CFAP161: variants seen among roughly 807,000 people sequenced by gnomAD.
CFAP161 encodes the protein cilia- and flagella-associated protein 161.
CFAP161 carries 25 observed loss-of-function variants against 29.0 expected under a neutral mutation model. That is an observed-to-expected ratio of 0.86 (90% confidence interval 0.63 to 1.20). CFAP161 has a LOEUF of 1.20. Among genes scored for constraint, CFAP161 ranks in the 50% most tolerant of loss-of-function variants. The pLI, the probability that CFAP161 is intolerant of heterozygous loss-of-function variation, is 0.00. For synonymous variants in CFAP161, 116 were observed against 137.4 expected (o/e 0.84, Z 1.09); for missense variants, 367 against 371.9 (o/e 0.99, Z 0.11).
upstream of CFAP161, among the ~76,000 whole-genome samples, chr15:81,132,593 G>A (rs986514510): frequency 6.6e-6 from 1 of 152,054 alleles, no homozygotes; most frequent in Non-Finnish European, 1.5e-5. Flanking sequence ...GTATTATTGG[G>A]TCTATTATAT....
chr15:81,134,509 C>A, intron 1 of CFAP161, 111 bp downstream of exon 1: 1 of 1,040,290 alleles, frequency 9.6e-7, no homozygotes, highest in South Asian at 1.5e-5. Context: ...TCCCAGCATA[C>A]AGCGAATACC....
At chr15:81,127,543 C>A (rs1373958296) in intron 1 of CFAP161, 3 of 152,116 alleles carry the variant, frequency 2.0e-5, no homozygotes, top group Non-Finnish European at 4.4e-5. Context: ...GGCAAAAAGT[C>A]TTTTTTCATC....
intron 1 of CFAP161, among the ~76,000 whole-genome samples, chr15:81,111,367 C>T (rs1595909338): frequency 6.6e-6 from 1 of 152,218 alleles, no homozygotes. Context: ...CTGACAATAT[C>T]ACTTTTGATT....
chr15:81,111,309 A>G (rs1402595066), intron 1 of CFAP161, among the ~76,000 whole-genome samples: 1 of 152,238 alleles, frequency 6.6e-6, no homozygotes, highest in Non-Finnish European at 1.5e-5. Flanking sequence ...TTTTGGTTGA[A>G]TGAACAATTG....
intron 5 of CFAP161, 73 bp from the exon 6 acceptor site, chr15:81,147,785 A>T: frequency 3.5e-6 from 4 of 1,140,726 alleles, no homozygotes; most frequent in Non-Finnish European, 4.9e-6. Context: ...TTTTGCTTTT[A>T]GGTAAGCTTT....
At chr15:81,109,890 T>C (rs1894419928) in intron 1 of CFAP161, among the ~76,000 whole-genome samples, 2 of 152,224 alleles carry the variant, frequency 1.3e-5, no homozygotes, top group South Asian at 4.1e-4. Flanking sequence ...AAATTAATTA[T>C]TCATTTTTAA....
intron 1 of CFAP161, among the ~76,000 whole-genome samples, chr15:81,104,489 A>T (rs1489531081): frequency 6.6e-6 from 1 of 152,238 alleles, no homozygotes; most frequent in Non-Finnish European, 1.5e-5. Context: ...AGCTGCAAGG[A>T]AGGTATCCTC....
intron 1 of CFAP161, among the ~76,000 whole-genome samples, chr15:81,119,760 T>C (rs2141868021): frequency 6.6e-6 from 1 of 152,244 alleles, no homozygotes; most frequent in South Asian, 2.1e-4. Context: ...TTCAAAACAA[T>C]TGATCAAAAC....
At chr15:81,126,873 G>A (rs1894647995) in intron 1 of CFAP161, among the ~76,000 whole-genome samples, 1 of 152,184 alleles carries the variant, frequency 6.6e-6, no homozygotes, top group Non-Finnish European at 1.5e-5. Context: ...CATAAGTGGT[G>A]AGTTTTATCT....
intron 1 of CFAP161, among the ~76,000 whole-genome samples, chr15:81,106,075 G>A (rs953367467): frequency 6.6e-6 from 1 of 152,188 alleles, no homozygotes; most frequent in Admixed American, 6.5e-5. Context: ...AGTGTCATGA[G>A]AACCAGGGAG....
intron 4 of CFAP161, among the ~76,000 whole-genome samples, chr15:81,141,254 G>T (rs1324430517): frequency 6.6e-6 from 1 of 152,148 alleles, no homozygotes; most frequent in Non-Finnish European, 1.5e-5. Context: ...ACTTGACAAT[G>T]ATTTTGTTAA....
At chr15:81,131,100 T>C (rs1894705070), upstream of CFAP161, among the ~76,000 whole-genome samples, 1 of 149,606 alleles carries the variant, frequency 6.7e-6, no homozygotes, top group Non-Finnish European at 1.5e-5. Flanking sequence ...TCCAACACAC[T>C]TGCCTGATGC....
At chr15:81,125,092 T>G (rs1274958187) in intron 1 of CFAP161, among the ~76,000 whole-genome samples, 6 of 127,664 alleles carry the variant, frequency 4.7e-5, no homozygotes, top group Non-Finnish European at 1.1e-4. Context: ...AAAAAGTTTA[T>G]TTAAAAGAAA....
At chr15:81,101,386 G>C (rs1269222454) in intron 1 of CFAP161, among the ~76,000 whole-genome samples, 3 of 151,916 alleles carry the variant, frequency 2.0e-5, no homozygotes, top group Non-Finnish European at 4.4e-5. Flanking sequence ...AATTAGCTGG[G>C]TGTGGTGGCA....
intron 1 of CFAP161, among the ~76,000 whole-genome samples, chr15:81,119,371 A>G (rs2663934): frequency 0.57 from 86,900 of 151,944 alleles, 26,104 homozygotes; most frequent in Non-Finnish European, 0.68. Flanking sequence ...ATAATCTTTT[A>G]TAAATTTTAT....
chr15:81,128,964 A>G (rs1894675304), intron 2 of CFAP161, among the ~76,000 whole-genome samples: 1 of 152,060 alleles, frequency 6.6e-6, no homozygotes, highest in Non-Finnish European at 1.5e-5. Flanking sequence ...GAGAAAAAAA[A>G]AAAAAAGCAT....
rs996493954 is a variant in CFAP161, at chr15:81,148,230, T to G, written c.711-108T>G. ...CCATTTTAGAGATTCCCTAGGGCTTTATCTAGCAATCCGCTTCTTAAGGTG... is the reference window on the plus strand; with the variant it reads ...CCATTTTAGAGATTCCCTAGGGCTTGATCTAGCAATCCGCTTCTTAAGGTG... On this transcript the variant is annotated intron_variant, in intron 6 of 6. Transcript: ENST00000286732. The G allele has an allele frequency of 6.2e-6, 7 of 1,129,940 alleles. No homozygotes were observed. The African/African-American group carries it at 1.1e-4, about 18-fold the overall frequency. 70.0% of individuals were successfully genotyped at this position (1,129,940 alleles called of 1,614,324 possible).
intron 5 of CFAP161, among the ~76,000 whole-genome samples, chr15:81,147,539 C>T (rs878958524): frequency 8.5e-5 from 13 of 152,164 alleles, no homozygotes; most frequent in Non-Finnish European, 5.9e-5. Context: ...GGGATAGCCT[C>T]GTGTTCCTAG....
At chr15:81,122,463 A>C (rs1387755998) in intron 1 of CFAP161, among the ~76,000 whole-genome samples, 2 of 149,452 alleles carry the variant, frequency 1.3e-5, no homozygotes, top group Admixed American at 1.3e-4. Flanking sequence ...TCTAATGATC[A>C]GTGATGTTGA....
Sources: allele counts gnomAD v4.1 joint callset (sites outside exome capture counted in the v4.1 genomes callset), GRCh38; gene constraint gnomAD v4.1.1; transcripts MANE v1.5; gene names NCBI Gene and HGNC (gene_info 2026-07-23, HGNC 2026-07-21).